The following SGCZ variants were observed in gnomAD, a reference collection of about 807,000 sequenced individuals.
SGCZ encodes sarcoglycan zeta.
A neutral mutation model predicts 41.3 loss-of-function variants in SGCZ; 40 were observed. The ratio of observed to expected loss-of-function variants is 0.97; its 90% CI spans 0.75 to 1.26. The LOEUF (loss-of-function observed/expected upper bound fraction) is 1.26. Ranked by LOEUF, SGCZ falls within the 50% of genes most tolerant of loss-of-function variation. The pLI, the probability that SGCZ is intolerant of heterozygous loss-of-function variation, is 0.00. For synonymous variants in SGCZ, 206 were observed against 137.5 expected (o/e 1.50, Z -3.49); for missense variants, 552 against 369.8 (o/e 1.49, Z -4.04).
At chr8:14,387,432 CCTTTA>C (rs1166950802) in intron 2 of SGCZ, among the ~76,000 whole-genome samples, 3 of 152,128 alleles carry the variant, frequency 2.0e-5, no homozygotes, top group African/African-American at 7.2e-5. Flanking sequence ...TTGTCAAAAA[CCTTTA>C]CTTGTCAAAA....
At chr8:14,335,887 T>A (rs2117063535) in intron 2 of SGCZ, among the ~76,000 whole-genome samples, 1 of 152,230 alleles carries the variant, frequency 6.6e-6, no homozygotes, top group African/African-American at 2.4e-5. Flanking sequence ...CTTTACTCAA[T>A]GTTAATTCCA....
chr8:14,706,645 C>T (rs904582034), intron 1 of SGCZ, among the ~76,000 whole-genome samples: 1 of 152,098 alleles, frequency 6.6e-6, no homozygotes, highest in Non-Finnish European at 1.5e-5. Flanking sequence ...TGTGGGACTC[C>T]TATACTAGAA....
intron 1 of SGCZ, among the ~76,000 whole-genome samples, chr8:14,647,962 C>T (rs980732102): frequency 2.6e-5 from 4 of 151,878 alleles, no homozygotes; most frequent in Admixed American, 6.6e-5. Context: ...AACCAAACAC[C>T]CAGGCACCAG....
chr8:15,125,963 T>C (rs529770582), intron 1 of SGCZ, among the ~76,000 whole-genome samples: 2 of 152,236 alleles, frequency 1.3e-5, no homozygotes, highest in Admixed American at 6.5e-5. Context: ...CTGACCAATA[T>C]GGTGAAACCC....
chr8:14,880,762 T>G (rs959162334), intron 1 of SGCZ, among the ~76,000 whole-genome samples: 1 of 151,850 alleles, frequency 6.6e-6, no homozygotes, highest in African/African-American at 2.4e-5. Flanking sequence ...TTGAGAACAC[T>G]TGGACACAGG....
chr8:15,220,714 G>A (rs758427844), intron 1 of SGCZ, among the ~76,000 whole-genome samples: 8 of 152,004 alleles, frequency 5.3e-5, no homozygotes, highest in Non-Finnish European at 7.4e-5. Flanking sequence ...ACATGCATAC[G>A]TACGTTTATT....
chr8:14,441,022 T>A (rs1420628748), intron 2 of SGCZ, among the ~76,000 whole-genome samples: 1 of 152,098 alleles, frequency 6.6e-6, no homozygotes, highest in Non-Finnish European at 1.5e-5. Context: ...ATTGAAGAAG[T>A]ATGATTTATC....
intron 1 of SGCZ, among the ~76,000 whole-genome samples, chr8:14,745,671 A>G (rs1799320379): frequency 6.6e-6 from 1 of 152,102 alleles, no homozygotes; most frequent in Admixed American, 6.6e-5. Flanking sequence ...ACATACATAT[A>G]CGTATCTATA....
intron 1 of SGCZ, among the ~76,000 whole-genome samples, chr8:14,641,500 C>A (rs1022226816): frequency 6.6e-6 from 1 of 151,630 alleles, no homozygotes; most frequent in Admixed American, 6.6e-5. Flanking sequence ...TAATGTCAAT[C>A]CCTTGTTTAA....
Position 14,391,744 on chromosome 8 carries a change from C to G in SGCZ, c.235-67540G>C, listed in dbSNP as rs538803184. On this transcript the variant is annotated intron_variant, in intron 2 of 7. Coordinates refer to ENST00000382080, the MANE Select transcript of SGCZ (RefSeq NM_139167.4). ...TATTACTATAAAGAAATACACAAGA[C>G]TGGGTAATTTATAAAGAAAAGCAAT... 2.4e-4 allele frequency among the ~76,000 whole-genome samples: 36 copies of G among 152,182 alleles called. No individual in the cohort carries two copies. In the South Asian group the frequency reaches 7.5e-3, roughly 32 times the overall value.
chr8:14,675,006 C>A (rs59271374), intron 1 of SGCZ, among the ~76,000 whole-genome samples: 1 of 139,636 alleles, frequency 7.2e-6, no homozygotes, highest in African/African-American at 2.7e-5. Flanking sequence ...TGGCGTGAAC[C>A]CAGCTCACTG....
chr8:14,943,076 T>G (rs1393847905), intron 1 of SGCZ, among the ~76,000 whole-genome samples: 1 of 152,160 alleles, frequency 6.6e-6, no homozygotes, highest in Non-Finnish European at 1.5e-5. Context: ...AATGCAGTCA[T>G]ACTTCACTAG....
chr8:14,686,769 T>C (rs1382417140), intron 1 of SGCZ, among the ~76,000 whole-genome samples: 2 of 152,130 alleles, frequency 1.3e-5, no homozygotes, highest in African/African-American at 4.8e-5. Context: ...ATATGATAAA[T>C]ATGTAATGAT....
At chr8:15,064,880 C>T (rs13273423) in intron 1 of SGCZ, among the ~76,000 whole-genome samples, 105,934 of 152,010 alleles carry the variant, frequency 0.7, 38,188 homozygotes, top group East Asian at 0.92. Flanking sequence ...AAACCCCTGG[C>T]GTTTCGGTTG....
chr8:14,308,359 G>A (rs1199603605), intron 3 of SGCZ, among the ~76,000 whole-genome samples: 2 of 152,082 alleles, frequency 1.3e-5, no homozygotes, highest in Admixed American at 1.3e-4. Context: ...GAAATGTGCT[G>A]TAAAAAAATT....
At chr8:14,294,650 A>G (rs1800951740) in intron 3 of SGCZ, among the ~76,000 whole-genome samples, 1 of 152,084 alleles carries the variant, frequency 6.6e-6, no homozygotes, top group Non-Finnish European at 1.5e-5. Flanking sequence ...CTTTAAAAAA[A>G]TATTTGAAAA....
At chr8:14,917,022 A>G (rs769504051) in intron 1 of SGCZ, among the ~76,000 whole-genome samples, 17 of 152,122 alleles carry the variant, frequency 1.1e-4, no homozygotes, top group Non-Finnish European at 2.4e-4. Flanking sequence ...TTGGAAATAG[A>G]AACAGTCACA....
chr8:14,261,892 G>A (rs571463435), intron 3 of SGCZ, among the ~76,000 whole-genome samples: 70 of 152,236 alleles, frequency 4.6e-4, no homozygotes, highest in Admixed American at 3.1e-3. Context: ...CAAAGCAAAA[G>A]TAGAGGAAAA....
At chr8:14,827,759 A>G (rs1029607071) in intron 1 of SGCZ, among the ~76,000 whole-genome samples, 1 of 152,210 alleles carries the variant, frequency 6.6e-6, no homozygotes, top group African/African-American at 2.4e-5. Context: ...AGTCATCTTT[A>G]TATCATTTAA....
Sources: allele counts gnomAD v4.1 joint callset (sites outside exome capture counted in the v4.1 genomes callset), GRCh38; gene constraint gnomAD v4.1.1; transcripts MANE v1.5; gene names NCBI Gene and HGNC (gene_info 2026-07-23, HGNC 2026-07-21).